The following SLC10A7 variants were observed in gnomAD, a reference collection of about 807,000 sequenced individuals.
SLC10A7 encodes the protein solute carrier family 10 member 7.
Under a neutral mutation model 43.2 loss-of-function variants are expected in SLC10A7, and 29 were observed. The observed-to-expected ratio is 0.67, with a 90% CI of 0.50 to 0.92. The LOEUF is 0.92. SLC10A7 is among the 40% of genes least tolerant of loss of function. The pLI is 0.00. For missense variants in SLC10A7, 295 were observed against 403.2 expected, an observed-to-expected ratio of 0.73 and a Z score of 2.30; for synonymous variants, 152 against 144.8, an observed-to-expected ratio of 1.05 and a Z score of -0.35.
intron 5 of SLC10A7, among the ~76,000 whole-genome samples, chr4:146,397,223 C>T (rs6537418): frequency 0.24 from 35,950 of 151,758 alleles, 4,670 homozygotes; most frequent in African/African-American, 0.35. Context: ...AAGTTAAGAC[C>T]GATGTAAGAA....
In SLC10A7 at chr4:146,328,967, AG is replaced by A. The variant is rs549470458; in HGVS notation, c.436-2972del. Among the ~76,000 whole-genome samples the A allele has an allele frequency of 1.7e-4, 26 of 152,346 alleles. No individual in the cohort carries two copies. In the South Asian group the frequency reaches 5.4e-3, roughly 32 times the overall value. ...TCTCTGGTAACAGATCCAAAGGAGA[AG>A]GAAATTTATGAAATGCCTGAAAAAG... On this transcript the variant is annotated intron_variant, in intron 5 of 11. Coordinates refer to ENST00000335472, the MANE Select transcript of SLC10A7 (RefSeq NM_001029998.6).
Position 146,255,724 on chromosome 4 carries a change from G to A in SLC10A7, c.*767C>T, listed in dbSNP as rs1036064390. ...ATTTGGCTGTTATGAGTGTGTAAGTGCAAGACAGAAATTATTGAATAAAGA... is the reference window on the plus strand; with the variant it reads ...ATTTGGCTGTTATGAGTGTGTAAGTACAAGACAGAAATTATTGAATAAAGA... On this transcript the variant is annotated 3_prime_UTR_variant, in exon 12 of 12. Coordinates refer to ENST00000335472, the MANE Select transcript of SLC10A7 (RefSeq NM_001029998.6). The A allele has an allele frequency of 6.6e-6, 1 of 152,130 alleles. No individual in the cohort carries two copies. Among genetic ancestry groups the A allele is most frequent in the Non-Finnish European group, 1.5e-5 (1 of 68,026 alleles). 9.4% of individuals were successfully genotyped at this position (152,130 alleles called of 1,614,324 possible). A position where few individuals can be genotyped will look rare whatever the true frequency, so the allele number is the denominator to read the frequency against.
At chr4:146,434,590 G>C (rs1259370700) in intron 5 of SLC10A7, among the ~76,000 whole-genome samples, 2 of 152,178 alleles carry the variant, frequency 1.3e-5, no homozygotes, top group Non-Finnish European at 2.9e-5. Context: ...CTGAGATGGA[G>C]TCTCGCTCTG....
intron 2 of SLC10A7, among the ~76,000 whole-genome samples, chr4:146,510,697 G>A (rs1162704492): frequency 6.6e-6 from 1 of 152,104 alleles, no homozygotes; most frequent in African/African-American, 2.4e-5. Context: ...GTTGAACAAC[G>A]TGCATGTATG....
chr4:146,405,807 C>T (rs1351418594), intron 5 of SLC10A7, among the ~76,000 whole-genome samples: 2 of 151,674 alleles, frequency 1.3e-5, no homozygotes, highest in African/African-American at 4.8e-5. Context: ...ATCTTGGAGG[C>T]AGAAGGAAGA....
intron 6 of SLC10A7, among the ~76,000 whole-genome samples, chr4:146,320,107 G>C (rs556215177): frequency 1.3e-5 from 2 of 152,166 alleles, no homozygotes; most frequent in South Asian, 4.1e-4. Context: ...CCTCTAGAGA[G>C]TGGAAGAGTG....
At chr4:146,446,740 TTATC>T (rs150949685) in intron 4 of SLC10A7, among the ~76,000 whole-genome samples, 67,773 of 143,520 alleles carry the variant, frequency 0.47, 15,937 homozygotes, top group South Asian at 0.5. Context: ...GTGAGAAGGT[TTATC>T]TATCTATCTA....
At chr4:146,306,751 CTTCCT>C (rs1322532749) in intron 6 of SLC10A7, among the ~76,000 whole-genome samples, 1 of 152,132 alleles carries the variant, frequency 6.6e-6, no homozygotes, top group African/African-American at 2.4e-5. Flanking sequence ...ATTGCTAAGT[CTTCCT>C]ATGGAACTTT....
chr4:146,305,933 A>G lies in SLC10A7; in HGVS notation c.548T>C (p.Ile183Thr), dbSNP rs574451047. Residue 183 changes from isoleucine to threonine, a missense_variant, in exon 7 of 12, where the codon ATT (isoleucine) becomes ACT (threonine). This residue lies in a region of SLC10A7 where 242 missense variants were observed against 362.5 expected (regional missense o/e 0.67). Coordinates refer to ENST00000335472, the MANE Select transcript of SLC10A7 (RefSeq NM_001029998.6). ...TAGAATTGGAGGCCTTACCTGTCCA[A>G]TGATGAGAGGAACCACAACAGTCAT... ...LFMTVVVPLIIGQIVRRYIKD... is the reference protein window; with the variant it reads ...LFMTVVVPLITGQIVRRYIKD... 9 of 1,608,570 alleles carry G rather than the reference A, an allele frequency of 5.6e-6. No individual in the cohort carries two copies. The highest frequency in any genetic ancestry group is 5.4e-5 in the African/African-American group (4 of 74,692).
chr4:146,509,326 C>T (rs1376063620), intron 3 of SLC10A7, among the ~76,000 whole-genome samples: 4 of 152,038 alleles, frequency 2.6e-5, no homozygotes. Flanking sequence ...AATTGATATC[C>T]CCAACATCAT....
At chr4:146,479,856 A>C (rs960226120) in intron 4 of SLC10A7, among the ~76,000 whole-genome samples, 1 of 152,198 alleles carries the variant, frequency 6.6e-6, no homozygotes, top group Non-Finnish European at 1.5e-5. Flanking sequence ...CCTTTGACCA[A>C]AGATGCACAA....
chr4:146,267,691 C>T (rs964377320), intron 10 of SLC10A7, among the ~76,000 whole-genome samples: 1 of 152,154 alleles, frequency 6.6e-6, no homozygotes, highest in Admixed American at 6.5e-5. Flanking sequence ...CTTTATGAGA[C>T]ACATAAGAGA....
chr4:146,433,520 C>A (rs1254222187), intron 5 of SLC10A7, among the ~76,000 whole-genome samples: 1 of 151,754 alleles, frequency 6.6e-6, no homozygotes, highest in African/African-American at 2.4e-5. Flanking sequence ...AAACAATACC[C>A]AGAATTGATG....
At position 146,350,522 on chromosome 4, in the gene SLC10A7, A is replaced by T. The variant is rs1030007436; in HGVS notation, c.436-24526T>A. Among the ~76,000 whole-genome samples, 6 of 144,434 alleles carry T rather than the reference A, an allele frequency of 4.2e-5. No homozygotes were observed. The Middle Eastern group carries it at 0.014, about 332-fold the overall frequency. The allele number at this position is 144,434 out of a possible 152,430, so 94.8% of individuals were successfully genotyped here. A position where few individuals can be genotyped will look rare whatever the true frequency, so the allele number is the denominator to read the frequency against. ...CAGCCGGGAAGCTCGAACTGGGTGG[A>T]GCCCACCACAGCTCAAGGAGGCCTG... On this transcript the variant is annotated intron_variant, in intron 5 of 11. Coordinates refer to ENST00000335472, the MANE Select transcript of SLC10A7 (RefSeq NM_001029998.6).
rs538461086 is a variant in SLC10A7, at chr4:146,355,652, A to C, written c.436-29656T>G. The stretch of plus-strand genomic sequence containing the variant: ...TTGGAACCAACGCAAATGTCTAACA[A>C]TGATAGACTGGATTAAGAAAATGTG... On this transcript the variant is annotated intron_variant, in intron 5 of 11. Transcript: ENST00000335472. 7.2e-5 allele frequency among the ~76,000 whole-genome samples: 11 copies of C among 152,198 alleles called. No individual in the cohort carries two copies. The East Asian group carries it at 2.1e-3, about 29-fold the overall frequency.
At chr4:146,439,963 C>T (rs1431581661) in intron 5 of SLC10A7, among the ~76,000 whole-genome samples, 1 of 152,072 alleles carries the variant, frequency 6.6e-6, no homozygotes, top group African/African-American at 2.4e-5. Context: ...CTTCCTAATC[C>T]CAACTCAAGC....
In SLC10A7 at chr4:146,411,673, G is replaced by A. The variant is rs1728203742; in HGVS notation, c.435+31110C>T. 3.3e-5 allele frequency among the ~76,000 whole-genome samples: 5 copies of A among 152,220 alleles called. No homozygotes were observed. The South Asian group carries it at 1.0e-3, about 32-fold the overall frequency. On this transcript the variant is annotated intron_variant, in intron 5 of 11. Transcript: ENST00000335472. Reference sequence around the variant, plus strand: ...TCATGGTGAGGGTGATAGCAATGATGATTAAATAGCTACTTTCACATTCGT... The same window carrying A: ...TCATGGTGAGGGTGATAGCAATGATAATTAAATAGCTACTTTCACATTCGT...
At chr4:146,502,080 A>T (rs1736470406) in intron 4 of SLC10A7, among the ~76,000 whole-genome samples, 1 of 152,254 alleles carries the variant, frequency 6.6e-6, no homozygotes, top group Non-Finnish European at 1.5e-5. Context: ...CCAATTTTTT[A>T]AAAAATGAGC....
At chr4:146,290,969 G>T (rs1046572545) in intron 9 of SLC10A7, among the ~76,000 whole-genome samples, 1 of 152,224 alleles carries the variant, frequency 6.6e-6, no homozygotes, top group Admixed American at 6.5e-5. Context: ...AGATCCTTAT[G>T]AAAGTCCAGT....
Sources: allele counts gnomAD v4.1 joint callset (sites outside exome capture counted in the v4.1 genomes callset), GRCh38; gene constraint gnomAD v4.1.1; regional missense constraint gnomAD v4.1.1; transcripts MANE v1.5; gene names NCBI Gene and HGNC (gene_info 2026-07-23, HGNC 2026-07-21).